Variants in PALLD observed in about 807,000 individuals in gnomAD.
The protein encoded by PALLD is palladin.
In PALLD, 61 loss-of-function variants were observed where a neutral mutation model predicts 123.5. The observed-to-expected ratio is 0.49, with a 90% CI of 0.40 to 0.61. The LOEUF (loss-of-function observed/expected upper bound fraction) is 0.61, where lower values mean the gene tolerates loss of function less well. Among genes scored for constraint, PALLD ranks in the 20% least tolerant of loss-of-function variants. The pLI is 0.00. For missense variants in PALLD, 1,273 were observed against 1,377.0 expected, an observed-to-expected ratio of 0.92 and a Z score of 1.20; for synonymous variants, 465 against 496.4, an observed-to-expected ratio of 0.94 and a Z score of 0.84.
At chr4:168,719,401 G>A (rs2150251243) in intron 10 of PALLD, among the ~76,000 whole-genome samples, 1 of 151,372 alleles carries the variant, frequency 6.6e-6, no homozygotes, top group South Asian at 2.1e-4. Flanking sequence ...GGAATTACAG[G>A]CACCCGCCAC....
At chr4:168,790,759 ACACT>A (rs1310589783) in intron 10 of PALLD, among the ~76,000 whole-genome samples, 1 of 152,164 alleles carries the variant, frequency 6.6e-6, no homozygotes, top group African/African-American at 2.4e-5. Context: ...GCATACACAC[ACACT>A]GAGTATTCCT....
chr4:168,851,949 G>A (rs1016147607), intron 10 of PALLD, among the ~76,000 whole-genome samples: 4 of 152,154 alleles, frequency 2.6e-5, no homozygotes, highest in African/African-American at 9.7e-5. Flanking sequence ...TAAGACGCAA[G>A]GTCCTCTGAA....
At chr4:168,610,855 A>G (rs758738929) in intron 2 of PALLD, among the ~76,000 whole-genome samples, 1 of 152,116 alleles carries the variant, frequency 6.6e-6, no homozygotes, top group Non-Finnish European at 1.5e-5. Flanking sequence ...CAGATTCCCT[A>G]TCTGTAGAGA....
intron 2 of PALLD, among the ~76,000 whole-genome samples, chr4:168,620,801 A>ACCT (rs1246105267): frequency 2.0e-5 from 3 of 152,238 alleles, no homozygotes; most frequent in Non-Finnish European, 2.9e-5. Flanking sequence ...ATGGGTCTAT[A>ACCT]CCTCAAAATT....
At chr4:168,520,836 A>G (rs955588783) in intron 2 of PALLD, among the ~76,000 whole-genome samples, 1 of 152,230 alleles carries the variant, frequency 6.6e-6, no homozygotes, top group African/African-American at 2.4e-5. Flanking sequence ...CTGATACCTT[A>G]GTGAACCAAG....
chr4:168,914,606 G>C (rs1207673071), intron 16 of PALLD, among the ~76,000 whole-genome samples: 1 of 151,866 alleles, frequency 6.6e-6, no homozygotes, highest in Non-Finnish European at 1.5e-5. Flanking sequence ...AACAATGGTA[G>C]GCAGAGATAG....
At chr4:168,800,119 C>T (rs117882593) in intron 10 of PALLD, among the ~76,000 whole-genome samples, 2,673 of 152,184 alleles carry the variant, frequency 0.018, 56 homozygotes, top group Admixed American at 0.07. Flanking sequence ...TTTAAAAGTT[C>T]CTCTTTTTAT....
intron 10 of PALLD, among the ~76,000 whole-genome samples, chr4:168,727,285 C>A (rs902258970): frequency 1.3e-5 from 2 of 152,252 alleles, no homozygotes; most frequent in Admixed American, 1.3e-4. Context: ...ATTTTAAGTT[C>A]TTTGAGAAAT....
chr4:168,698,408 ATAT>A (rs1783359189), intron 8 of PALLD, among the ~76,000 whole-genome samples: 3 of 152,076 alleles, frequency 2.0e-5, no homozygotes, highest in African/African-American at 4.8e-5. Flanking sequence ...AAAAGAATAA[ATAT>A]TATAGGGGAC....
chr4:168,519,675 G>A (rs1763340775), intron 2 of PALLD, among the ~76,000 whole-genome samples: 2 of 73,192 alleles, frequency 2.7e-5, no homozygotes, highest in Non-Finnish European at 5.4e-5. Context: ...GTCTGCATTA[G>A]GCACAAACAC....
intron 2 of PALLD, among the ~76,000 whole-genome samples, chr4:168,650,046 T>G (rs1777878371): frequency 6.6e-6 from 1 of 152,036 alleles, no homozygotes; most frequent in Non-Finnish European, 1.5e-5. Flanking sequence ...TGGTGGTGGA[T>G]GCTTGTAATC....
At chr4:168,793,462 C>T (rs1167518986) in intron 10 of PALLD, among the ~76,000 whole-genome samples, 10 of 151,678 alleles carry the variant, frequency 6.6e-5, no homozygotes, top group African/African-American at 2.2e-4. Flanking sequence ...AATTACTTAA[C>T]TCTGCTTTCC....
chr4:168,645,277 G>T (rs1477878090), intron 2 of PALLD, among the ~76,000 whole-genome samples: 1 of 152,066 alleles, frequency 6.6e-6, no homozygotes, highest in Non-Finnish European at 1.5e-5. Flanking sequence ...AACACCTATG[G>T]TATGTGCAGC....
At chr4:168,627,862 T>A (rs180682958) in intron 2 of PALLD, among the ~76,000 whole-genome samples, 2 of 152,158 alleles carry the variant, frequency 1.3e-5, no homozygotes, top group African/African-American at 4.8e-5. Flanking sequence ...CTTAAATATA[T>A]AAAAAACTTG....
At chr4:168,809,247 G>A (rs6848736) in intron 10 of PALLD, among the ~76,000 whole-genome samples, 1 of 151,878 alleles carries the variant, frequency 6.6e-6, no homozygotes, top group Non-Finnish European at 1.5e-5. Context: ...ATTCCCTCAG[G>A]GTAAAACAGC....
In PALLD at chr4:168,746,380, CAAA is replaced by C. The variant is rs747755592; in HGVS notation, c.1964+34485_1964+34487del. ...TGGGCGACAGAGCGAGAACCCGTCTCAAAAAAAAAAAAAAAAAAAAAAAAAAAA... is the reference window on the plus strand; with the variant it reads ...TGGGCGACAGAGCGAGAACCCGTCTCAAAAAAAAAAAAAAAAAAAAAAAAA... On this transcript the variant is annotated intron_variant, in intron 10 of 21. Coordinates refer to ENST00000505667, the MANE Select transcript of PALLD (RefSeq NM_001166108.2). Among the ~76,000 whole-genome samples the C allele has an allele frequency of 6.0e-3, 223 of 36,952 alleles. 1 individual carries two copies. Among genetic ancestry groups the C allele is most frequent in the African/African-American group, 0.016 (209 of 12,874 alleles). 24.2% of individuals were successfully genotyped at this position (36,952 alleles called of 152,430 possible). A position where few individuals can be genotyped will look rare whatever the true frequency, so the allele number is the denominator to read the frequency against.
At chr4:168,604,869 G>C (rs4518206) in intron 2 of PALLD, among the ~76,000 whole-genome samples, 64,795 of 152,046 alleles carry the variant, frequency 0.43, 13,949 homozygotes, top group African/African-American at 0.52. Flanking sequence ...TCAACTGATA[G>C]AGTTTTCTGT....
At chr4:168,857,514 T>C (rs1390609138) in intron 10 of PALLD, among the ~76,000 whole-genome samples, 1 of 152,178 alleles carries the variant, frequency 6.6e-6, no homozygotes, top group Non-Finnish European at 1.5e-5. Context: ...GGAAAGGTAA[T>C]GTTTAAAGAA....
intron 12 of PALLD, 61 bp downstream of exon 12, chr4:168,894,738 C>T: frequency 6.4e-7 from 1 of 1,574,644 alleles, no homozygotes; most frequent in Non-Finnish European, 8.6e-7. Flanking sequence ...TTCCATCTTC[C>T]TTATGGATAC....
Sources: gnomAD v4.1 joint callset for allele counts (sites outside exome capture counted in the v4.1 genomes callset) on GRCh38, gnomAD v4.1.1 for gene constraint, MANE v1.5 for transcripts, NCBI Gene and HGNC (gene_info 2026-07-23, HGNC 2026-07-21) for gene names.